Variants in PIBF1 observed in about 807,000 individuals in gnomAD.
PIBF1 encodes the protein progesterone immunomodulatory binding factor 1, also known as progesterone-induced-blocking factor 1.
PIBF1 carries 90 observed loss-of-function variants against 112.5 expected under a neutral mutation model. That is an observed-to-expected ratio of 0.80 (90% CI 0.67 to 0.95). PIBF1 has a LOEUF of 0.95. PIBF1 is among the 40% of genes least tolerant of loss of function. The pLI is 0.00. For synonymous variants in PIBF1, 301 were observed against 288.6 expected (o/e 1.04, Z -0.44); for missense variants, 915 against 852.3 (o/e 1.07, Z -0.92).
chr13:72,896,172 C>T (rs1379659201), intron 11 of PIBF1, among the ~76,000 whole-genome samples: 2 of 152,152 alleles, frequency 1.3e-5, no homozygotes, highest in East Asian at 1.9e-4. Flanking sequence ...TGGGTAGACT[C>T]ACTGGGTAGC....
At chr13:72,855,103 C>T (rs1010473500) in intron 10 of PIBF1, among the ~76,000 whole-genome samples, 4 of 151,962 alleles carry the variant, frequency 2.6e-5, no homozygotes, top group South Asian at 2.1e-4. Flanking sequence ...AAAATTTCTG[C>T]GTACCGTTCA....
intron 11 of PIBF1, chr13:72,901,072 A>T (rs2040465758): frequency 2.2e-6 from 1 of 448,444 alleles, no homozygotes; most frequent in African/African-American, 2.0e-5. Flanking sequence ...AATAGCTGGG[A>T]CCTGATTAAA....
intron 14 of PIBF1, among the ~76,000 whole-genome samples, chr13:72,939,105 T>G (rs1337341408): frequency 6.6e-6 from 1 of 152,202 alleles, no homozygotes; most frequent in Non-Finnish European, 1.5e-5. Context: ...TTTTCTCCCA[T>G]TCTGTGTGGG....
chr13:72,792,301 G>A (rs538700635), intron 2 of PIBF1, 146 bp from the exon 3 acceptor site: 1 of 568,962 alleles, frequency 1.8e-6, no homozygotes, highest in Non-Finnish European at 3.0e-6. Context: ...CCAAAGTGCT[G>A]GAATTATAGG....
chr13:72,826,278 T>G (rs930931773), intron 6 of PIBF1, among the ~76,000 whole-genome samples: 1 of 152,162 alleles, frequency 6.6e-6, no homozygotes, highest in Non-Finnish European at 1.5e-5. Flanking sequence ...AAACATAATA[T>G]TTTGTTAACT....
At chr13:72,839,566 G>A (rs984159929) in intron 9 of PIBF1, among the ~76,000 whole-genome samples, 15 of 152,132 alleles carry the variant, frequency 9.9e-5, no homozygotes, top group African/African-American at 2.7e-4. Context: ...TGTTGGTTCT[G>A]TGGTTCAATT....
At chr13:72,809,302 A>G (rs2035891025) in intron 5 of PIBF1, among the ~76,000 whole-genome samples, 1 of 151,834 alleles carries the variant, frequency 6.6e-6, no homozygotes, top group Non-Finnish European at 1.5e-5. Flanking sequence ...TTTTTCTAGT[A>G]AAATTTAATA....
intron 13 of PIBF1, among the ~76,000 whole-genome samples, chr13:72,924,341 A>G (rs1421052739): frequency 3.9e-5 from 6 of 152,030 alleles, no homozygotes; most frequent in Non-Finnish European, 4.4e-5. Context: ...CAATAGGTGT[A>G]CCTTAATGTT....
Position 72,965,353 on chromosome 13 carries a change from C to G in PIBF1, c.1913C>G (p.Ser638Cys). 6.2e-7 allele frequency: 1 copy of G among 1,610,106 alleles called. No individual in the cohort carries two copies. The highest frequency in any genetic ancestry group is 8.5e-7 in the Non-Finnish European group (1 of 1,177,024). ...ATTGAATCAGTGCGTCAGAGAGATTCTAAGATTGATTCACTGACGGAATCT... is the reference window on the plus strand; with the variant it reads ...ATTGAATCAGTGCGTCAGAGAGATTGTAAGATTGATTCACTGACGGAATCT... Reference protein sequence around the residue: ...YLIESVRQRDSKIDSLTESIA... With the variant: ...YLIESVRQRDCKIDSLTESIA... The change falls in exon 15 of 18, where the codon TCT (serine) becomes TGT (cysteine). Residue 638 changes from serine to cysteine, a missense_variant. Ser to Cys is a moderately radical substitution (Grantham distance 112). Coordinates refer to ENST00000326291, the MANE Select transcript of PIBF1 (RefSeq NM_006346.4).
At chr13:72,959,851 C>T (rs980661844) in intron 14 of PIBF1, among the ~76,000 whole-genome samples, 1 of 152,040 alleles carries the variant, frequency 6.6e-6, no homozygotes, top group Non-Finnish European at 1.5e-5. Context: ...TCACTTATTA[C>T]GTATATGATT....
At chr13:72,896,960 T>C (rs2040304396) in intron 11 of PIBF1, among the ~76,000 whole-genome samples, 1 of 152,172 alleles carries the variant, frequency 6.6e-6, no homozygotes, top group African/African-American at 2.4e-5. Context: ...ACCTGGGGAA[T>C]TCATTGCAAA....
chr13:72,946,808 G>T (rs117551475), intron 14 of PIBF1, among the ~76,000 whole-genome samples: 1 of 152,216 alleles, frequency 6.6e-6, no homozygotes, highest in Non-Finnish European at 1.5e-5. Context: ...TGATGCAAGA[G>T]GTGGGCTCCC....
chr13:72,874,162 ACTTTGT>A (rs1470216078), intron 10 of PIBF1, among the ~76,000 whole-genome samples: 11 of 152,204 alleles, frequency 7.2e-5, no homozygotes, highest in Admixed American at 2.0e-4. Context: ...AATCACAGTC[ACTTTGT>A]GTGACTGTGT....
intron 13 of PIBF1, among the ~76,000 whole-genome samples, chr13:72,927,158 T>C (rs1255854809): frequency 6.6e-6 from 1 of 151,174 alleles, no homozygotes; most frequent in Non-Finnish European, 1.5e-5. Flanking sequence ...AACCTCTGCC[T>C]CCCGGGTTCA....
At chr13:72,790,466 T>TACACACACACACACAC (rs1566271692) in intron 2 of PIBF1, among the ~76,000 whole-genome samples, 3 of 95,992 alleles carry the variant, frequency 3.1e-5, no homozygotes, top group South Asian at 5.8e-4. Flanking sequence ...CACACACACT[T>TACACACACACACACAC]ATAGATAGAT....
chr13:72,884,891 A>T (rs1336089445), intron 10 of PIBF1, among the ~76,000 whole-genome samples: 1 of 152,144 alleles, frequency 6.6e-6, no homozygotes, highest in Non-Finnish European at 1.5e-5. Context: ...GAGGTGGGGA[A>T]ATAGTGATTT....
intron 10 of PIBF1, among the ~76,000 whole-genome samples, chr13:72,876,932 A>G (rs953418617): frequency 1.3e-5 from 2 of 152,268 alleles, no homozygotes; most frequent in East Asian, 3.9e-4. Context: ...TGCAATTAGC[A>G]TCAACTTCGA....
At chr13:72,800,155 C>A (rs1566285222) in intron 5 of PIBF1, among the ~76,000 whole-genome samples, 1 of 152,216 alleles carries the variant, frequency 6.6e-6, no homozygotes, top group African/African-American at 2.4e-5. Context: ...CGTGCTTTAG[C>A]CTCCCCAGTA....
chr13:72,844,634 ACT>A (rs200609319), intron 9 of PIBF1, among the ~76,000 whole-genome samples: 1,521 of 151,652 alleles, frequency 0.01, 77 homozygotes, highest in East Asian at 9.2e-3. Flanking sequence ...TGATGGAGAA[ACT>A]CTGTCTTTTA....
Sources: allele counts gnomAD v4.1 joint callset (sites outside exome capture counted in the v4.1 genomes callset), GRCh38; gene constraint gnomAD v4.1.1; transcripts MANE v1.5; gene names NCBI Gene and HGNC (gene_info 2026-07-23, HGNC 2026-07-21).